AUTS2: variants seen among roughly 807,000 people sequenced by gnomAD.
The protein encoded by AUTS2 is activator of transcription and developmental regulator AUTS2, also known as autism susceptibility gene 2 protein.
Under a neutral mutation model 112.4 loss-of-function variants are expected in AUTS2, and 17 were observed. The observed-to-expected ratio is 0.15, with a 90% confidence interval of 0.10 to 0.23. The LOEUF (loss-of-function observed/expected upper bound fraction) is 0.23. Ranked by LOEUF, AUTS2 falls within the 10% of genes least tolerant of loss-of-function variation. The pLI is 1.00. For synonymous variants in AUTS2, 751 were observed against 702.7 expected, an observed-to-expected ratio of 1.07 and a Z score of -1.09; for missense variants, 1,510 against 1,701.6, an observed-to-expected ratio of 0.89 and a Z score of 1.98.
chr7:70,781,888 G>A, intron 15 of AUTS2, 132 bp downstream of exon 15: 1 of 1,168,870 alleles, frequency 8.6e-7, no homozygotes, highest in African/African-American at 1.5e-5. Flanking sequence ...AGCTTGCAAG[G>A]CAACATCGCA....
intron 5 of AUTS2, among the ~76,000 whole-genome samples, chr7:70,496,393 G>T (rs1293767091): frequency 1.6e-5 from 1 of 64,472 alleles, no homozygotes; most frequent in Non-Finnish European, 3.0e-5. Context: ...CACACACCAC[G>T]TACACAGTCA....
chr7:70,575,750 T>C (rs558576843), intron 5 of AUTS2, among the ~76,000 whole-genome samples: 4 of 152,284 alleles, frequency 2.6e-5, no homozygotes, highest in South Asian at 4.1e-4. Context: ...AGCACATCCT[T>C]ATACCCATTA....
At chr7:70,543,564 C>A (rs557800648) in intron 5 of AUTS2, among the ~76,000 whole-genome samples, 76 of 151,512 alleles carry the variant, frequency 5.0e-4, no homozygotes, top group African/African-American at 1.7e-3. Flanking sequence ...AAATGCCAAG[C>A]TAGCAGAGAG....
chr7:69,683,511 C>G (rs1796908538), intron 1 of AUTS2, among the ~76,000 whole-genome samples: 1 of 152,278 alleles, frequency 6.6e-6, no homozygotes, highest in South Asian at 2.1e-4. Context: ...CTTAATAACT[C>G]CTGTAATACC....
At chr7:70,470,951 G>A (rs1431145154) in intron 5 of AUTS2, among the ~76,000 whole-genome samples, 2 of 152,154 alleles carry the variant, frequency 1.3e-5, no homozygotes, top group Non-Finnish European at 2.9e-5. Context: ...TCATTCCCGG[G>A]GAAGGAAGGG....
chr7:69,603,745 C>T (rs946469793), intron 1 of AUTS2, among the ~76,000 whole-genome samples: 5 of 152,092 alleles, frequency 3.3e-5, no homozygotes, highest in African/African-American at 7.2e-5. Context: ...GGATATTCTT[C>T]GAGTGACAGG....
At chr7:70,050,355 CAAAAAAAAAAA>C (rs60714093) in intron 2 of AUTS2, among the ~76,000 whole-genome samples, 2 of 72,876 alleles carry the variant, frequency 2.7e-5, no homozygotes, top group Non-Finnish European at 4.9e-5. Context: ...GACTCTGTCT[CAAAAAAAAAAA>C]AAAAAAAAAA....
At chr7:69,985,153 C>T (rs1272837358) in intron 2 of AUTS2, among the ~76,000 whole-genome samples, 1 of 150,718 alleles carries the variant, frequency 6.6e-6, no homozygotes, top group Non-Finnish European at 1.5e-5. Flanking sequence ...ATCACTTGAA[C>T]CCAGGAGGTC....
chr7:70,641,839 C>T (rs568946419), intron 5 of AUTS2, among the ~76,000 whole-genome samples: 1 of 152,262 alleles, frequency 6.6e-6, no homozygotes, highest in African/African-American at 2.4e-5. Context: ...CTTGTCACTC[C>T]ACATAACATT....
intron 4 of AUTS2, among the ~76,000 whole-genome samples, chr7:70,241,797 T>C (rs1462296177): frequency 1.3e-5 from 2 of 152,304 alleles, no homozygotes; most frequent in Middle Eastern, 3.4e-3. Flanking sequence ...TTACAGGCAA[T>C]GTTGCTCTCT....
intron 2 of AUTS2, among the ~76,000 whole-genome samples, chr7:70,087,403 C>G (rs866207753): frequency 1.4e-5 from 2 of 148,138 alleles, no homozygotes; most frequent in African/African-American, 5.0e-5. Flanking sequence ...GAGTCTCACT[C>G]TTGTAGCCCA....
chr7:69,899,215 C>T (rs1794869925), intron 1 of AUTS2, 71 bp from the exon 2 acceptor site: 1 of 1,143,546 alleles, frequency 8.7e-7, no homozygotes, highest in Non-Finnish European at 1.3e-6. Flanking sequence ...TAGTATTTAG[C>T]CTATATTTTG....
intron 1 of AUTS2, among the ~76,000 whole-genome samples, chr7:69,649,349 C>A (rs1364011802): frequency 6.6e-6 from 1 of 152,214 alleles, no homozygotes; most frequent in Non-Finnish European, 1.5e-5. Flanking sequence ...GTCCAATGAG[C>A]TGGGTTCCAA....
At chr7:70,076,164 G>C (rs1803019319) in intron 2 of AUTS2, among the ~76,000 whole-genome samples, 1 of 152,066 alleles carries the variant, frequency 6.6e-6, no homozygotes, top group South Asian at 2.1e-4. Flanking sequence ...TCTTTCTGAT[G>C]GGAAATACTT....
At chr7:70,393,486 G>A (rs1793954335) in intron 4 of AUTS2, among the ~76,000 whole-genome samples, 1 of 152,028 alleles carries the variant, frequency 6.6e-6, no homozygotes, top group Non-Finnish European at 1.5e-5. Flanking sequence ...TGCCTGGCTT[G>A]TGAGGGATTT....
At chr7:69,905,935 A>C (rs1795133663) in intron 2 of AUTS2, among the ~76,000 whole-genome samples, 1 of 152,238 alleles carries the variant, frequency 6.6e-6, no homozygotes, top group Non-Finnish European at 1.5e-5. Context: ...TCCATAAAAC[A>C]GTGACCTTTT....
At chr7:69,870,040 G>C (rs1465883654) in intron 1 of AUTS2, among the ~76,000 whole-genome samples, 5 of 152,122 alleles carry the variant, frequency 3.3e-5, no homozygotes, top group Non-Finnish European at 2.9e-5. Context: ...AATGCTGTTT[G>C]AGACTGTGAT....
chr7:70,734,846 T>C (rs1787687996), intron 6 of AUTS2, among the ~76,000 whole-genome samples: 1 of 152,180 alleles, frequency 6.6e-6, no homozygotes, highest in Non-Finnish European at 1.5e-5. Context: ...GAGGTTGTTA[T>C]GAGACATTAG....
chr7:69,606,867 G>T (rs745604647), intron 1 of AUTS2, among the ~76,000 whole-genome samples: 6 of 152,254 alleles, frequency 3.9e-5, no homozygotes, highest in African/African-American at 1.2e-4. Context: ...TTTCCCCTCT[G>T]GGAGGTGAAG....
Sources: gnomAD v4.1 joint callset for allele counts (sites outside exome capture counted in the v4.1 genomes callset) on GRCh38, gnomAD v4.1.1 for gene constraint, MANE v1.5 for transcripts, NCBI Gene and HGNC (gene_info 2026-07-23, HGNC 2026-07-21) for gene names.